The following STX11 variants were observed in gnomAD, a reference collection of about 807,000 sequenced individuals.
The protein encoded by STX11 is syntaxin 11.
Under a neutral mutation model 19.9 loss-of-function variants are expected in STX11, and 21 were observed. That is an observed-to-expected ratio of 1.06 (90% confidence interval 0.75 to 1.52). The LOEUF is 1.52. STX11 is among the 40% of genes most tolerant of loss of function. STX11 has a pLI of 0.00. For synonymous variants in STX11, 193 were observed against 174.4 expected (o/e 1.11, Z -0.84); for missense variants, 438 against 405.9 (o/e 1.08, Z -0.68).
In STX11 at chr6:144,170,510, C is replaced by G. The variant is rs1196251709; in HGVS notation, c.-5-16113C>G. Among the ~76,000 whole-genome samples the G allele has an allele frequency of 2.0e-5, 3 of 152,062 alleles. No homozygotes were observed. Among genetic ancestry groups the G allele is most frequent in the Admixed American group, 2.0e-4 (3 of 15,272 alleles). On this transcript the variant is annotated intron_variant, in intron 1 of 1. Transcript: ENST00000367568. This position sits in a 1 kb window ranked among gnomAD's most constrained non-coding sequence, Gnocchi z 4.7. Reference sequence around the variant, plus strand: ...CACAGGAGGTCAAGTGTGGAATAGTCCCCTTGTGGCCAATGCTCAAAAAGT... The same window carrying G: ...CACAGGAGGTCAAGTGTGGAATAGTGCCCTTGTGGCCAATGCTCAAAAAGT...
At chr6:144,150,018 G>A (rs540073092), upstream of STX11, among the ~76,000 whole-genome samples, 7 of 152,064 alleles carry the variant, frequency 4.6e-5, no homozygotes, top group Admixed American at 2.0e-4. Context: ...AGAGAGGTTG[G>A]TCGGCAGGGT....
chr6:144,183,856 A>T lies in STX11; in HGVS notation c.-5-2767A>T, dbSNP rs1479876174. On this transcript the variant is annotated intron_variant, in intron 1 of 1. Coordinates refer to ENST00000367568, the MANE Select transcript of STX11 (RefSeq NM_003764.4). This position sits in a 1 kb window ranked among gnomAD's most constrained non-coding sequence, Gnocchi z 4.6. ...CTAGGTTTTAAGCTCAGCATGCATC[A>T]GCTCTTTTCCCTAATGCTCTCCCCT... Among the ~76,000 whole-genome samples, 2 of 152,164 alleles carry T rather than the reference A, an allele frequency of 1.3e-5. No homozygotes were observed. The highest frequency in any genetic ancestry group is 3.8e-4 in the East Asian group (2 of 5,198).
chr6:144,141,795 C>T, the STX11 span, among the ~76,000 whole-genome samples: 3 of 152,008 alleles, frequency 2.0e-5, no homozygotes, highest in African/African-American at 4.8e-5. Context: ...TCTCCCAACA[C>T]AGCCTCCCGA....
chr6:144,172,815 G>C lies in STX11; in HGVS notation c.-5-13808G>C, dbSNP rs976706174. Among the ~76,000 whole-genome samples, 1 of 151,622 alleles carries C rather than the reference G, an allele frequency of 6.6e-6. No individual in the cohort carries two copies. Among genetic ancestry groups the C allele is most frequent in the Non-Finnish European group, 1.5e-5 (1 of 67,960 alleles). On this transcript the variant is annotated intron_variant, in intron 1 of 1. Coordinates refer to ENST00000367568, the MANE Select transcript of STX11 (RefSeq NM_003764.4). This position sits in a 1 kb window ranked among gnomAD's most constrained non-coding sequence, Gnocchi z 4.2. ...TTGATCCCAAGACAATGAACAGGCT[G>C]TCTTTCCCATACACATCCAACATAT... is the stretch of plus-strand genomic sequence containing the variant.
In STX11 at chr6:144,180,101, C is replaced by A. The variant is rs1562667221; in HGVS notation, c.-5-6522C>A. ...CTTGAGCTGCTCTGTATTGCATATT[C>A]CCATGTCTGAAAATTTCTCACTACT... On this transcript the variant is annotated intron_variant, in intron 1 of 1. Transcript: ENST00000367568. This position sits in a 1 kb window ranked among gnomAD's most constrained non-coding sequence, Gnocchi z 5.3. Among the ~76,000 whole-genome samples the A allele has an allele frequency of 6.6e-6, 1 of 152,274 alleles. No individual in the cohort carries two copies. Among genetic ancestry groups the A allele is most frequent in the East Asian group, 1.9e-4 (1 of 5,184 alleles).
At position 144,163,472 on chromosome 6, in the gene STX11, T is replaced by A. The variant is rs936073315; in HGVS notation, c.-6+12769T>A. ...TCTACAAAATTTTTTATTTTTAAAA[T>A]TTTTTTTTTAATTTTTGTTTTTTGA... On this transcript the variant is annotated intron_variant, in intron 1 of 1. Coordinates refer to ENST00000367568, the MANE Select transcript of STX11 (RefSeq NM_003764.4). Among the ~76,000 whole-genome samples, 32 of 150,832 alleles carry A rather than the reference T, an allele frequency of 2.1e-4. 2 individuals are homozygous for A. In the Middle Eastern group the frequency reaches 0.01, roughly 49 times the overall value.
At chr6:144,150,464 G>A (rs920548193), upstream of STX11, 32 of 978,024 alleles carry the variant, frequency 3.3e-5, no homozygotes, top group Non-Finnish European at 3.6e-5. Flanking sequence ...GGCGGGGCCT[G>A]GTCCCCAGCT....
rs1802199057 is a variant in STX11 at position 144,191,141 on chromosome 6, T to C, written c.*3650T>C. On this transcript the variant is annotated 3_prime_UTR_variant, in exon 2 of 2. Coordinates refer to ENST00000367568, the MANE Select transcript of STX11 (RefSeq NM_003764.4). ...GAAGGTAAGAATCTTTTATAGCTAT[T>C]TTAACATATACAGTGACTACTTTCT... is the stretch of plus-strand genomic sequence containing the variant. Among the ~76,000 whole-genome samples, 1 of 151,292 alleles carries C rather than the reference T, an allele frequency of 6.6e-6. No homozygotes were observed. The highest frequency in any genetic ancestry group is 1.5e-5 in the Non-Finnish European group (1 of 67,918).
chr6:144,170,141 A>C lies in STX11; in HGVS notation c.-5-16482A>C, dbSNP rs1340019583. On this transcript the variant is annotated intron_variant, in intron 1 of 1. Coordinates refer to ENST00000367568, the MANE Select transcript of STX11 (RefSeq NM_003764.4). The surrounding 1 kb of genome is among the most constrained non-coding windows in gnomAD (Gnocchi z 4.7). ...ATTTTCTTTGCTACAGATAAACATA[A>C]ACGCTTCCCCTTTTTCTTGTCACTG... Among the ~76,000 whole-genome samples the C allele has an allele frequency of 6.6e-6, 1 of 152,362 alleles. No individual in the cohort carries two copies. Among genetic ancestry groups the C allele is most frequent in the Admixed American group, 6.5e-5 (1 of 15,304 alleles).
chr6:144,186,609 A>C lies in STX11; in HGVS notation c.-5-14A>C. The C allele has an allele frequency of 1.2e-6, 2 of 1,613,922 alleles. No individual in the cohort carries two copies. The highest frequency in any genetic ancestry group is 1.7e-6 in the Non-Finnish European group (2 of 1,180,030). On this transcript the variant is annotated splice_polypyrimidine_tract_variant and intron_variant, in intron 1 of 1. Transcript: ENST00000367568. ...CTCAATAGAGAAATTTAACTTCATT[A>C]TCTCTACTTGCAGGCAAAATGAAAG... is the stretch of plus-strand genomic sequence containing the variant.
the STX11 span, among the ~76,000 whole-genome samples, chr6:144,144,241 A>C: frequency 4.6e-5 from 7 of 152,356 alleles, no homozygotes; most frequent in Admixed American, 2.0e-4. Context: ...ATGTAGACAA[A>C]GCTTTAACTA....
rs1801576285 is a variant in STX11 at position 144,169,665 on chromosome 6, C to CTTCCTTCA, written c.-5-16951_-5-16950insATTCCTTC. Among the ~76,000 whole-genome samples, 1 of 149,496 alleles carries CTTCCTTCA rather than the reference C, an allele frequency of 6.7e-6. No homozygotes were observed. Among genetic ancestry groups the CTTCCTTCA allele is most frequent in the African/African-American group, 2.5e-5 (1 of 40,328 alleles). On this transcript the variant is annotated intron_variant, in intron 1 of 1. Coordinates refer to ENST00000367568, the MANE Select transcript of STX11 (RefSeq NM_003764.4). The surrounding 1 kb of genome is among the most constrained non-coding windows in gnomAD (Gnocchi z 5.2). ...CCTTTTCTTTTCCCTCCCTCCCTCCCTTCCTTCCTTCCTTCCTTCCTTCTT... is the reference window on the plus strand; with the variant it reads ...CCTTTTCTTTTCCCTCCCTCCCTCCCTTCCTTCATTCCTTCCTTCCTTCCTTCCTTCTT...
rs775938143 is a variant in STX11 at position 144,186,987 on chromosome 6, G to T, written c.360G>T (p.Pro120=). 4 of 1,609,110 alleles carry T rather than the reference G, an allele frequency of 2.5e-6. No individual in the cohort carries two copies. The highest frequency in any genetic ancestry group is 3.4e-6 in the Non-Finnish European group (4 of 1,179,522). The change falls in exon 2 of 2, where the codon CCG becomes CCT. Residue 120 remains proline, a synonymous_variant. Coordinates refer to ENST00000367568, the MANE Select transcript of STX11 (RefSeq NM_003764.4). ...AGGCGGCTGAGGCCCAGCACGGCCC[G>T]CACTCGGCAGTGGCGCGCATTTCGC... ...LSEAAEAQHG[P]HSAVARISRA...
chr6:144,185,096 T>G (rs557295164), intron 1 of STX11, among the ~76,000 whole-genome samples: 1 of 152,360 alleles, frequency 6.6e-6, no homozygotes, highest in South Asian at 2.1e-4. Context: ...AGCCACCAGA[T>G]ATCAGAAATG....
At chr6:144,181,650 C>T (rs1801915357) in intron 1 of STX11, among the ~76,000 whole-genome samples, 1 of 140,288 alleles carries the variant, frequency 7.1e-6, no homozygotes, top group Non-Finnish European at 1.5e-5. Flanking sequence ...GAATGGGTCA[C>T]AAATTTGAGT....
intron 1 of STX11, among the ~76,000 whole-genome samples, chr6:144,163,269 A>T (rs555014228): frequency 2.0e-5 from 3 of 152,080 alleles, no homozygotes; most frequent in African/African-American, 7.2e-5. Flanking sequence ...ATTTTAATTT[A>T]TTTTTTTAAA....
chr6:144,148,883 C>T (rs1174891430), upstream of STX11, among the ~76,000 whole-genome samples: 1 of 152,224 alleles, frequency 6.6e-6, no homozygotes, highest in East Asian at 1.9e-4. Flanking sequence ...GCGTGAGCCA[C>T]GTCTGGACTG....
Position 144,186,743 on chromosome 6 carries a change from A to C in STX11, c.116A>C (p.His39Pro). ...GAGGACATCGTGTTCGAGACGGACC[A>C]CATCCTGGAGTCCCTGTACCGAGAC... ...PHEDIVFETD[H>P]ILESLYRDIR... is the part of the protein sequence containing the mutation. Residue 39 changes from histidine (H) to proline (P), a missense_variant, in exon 2 of 2, where the codon CAC (histidine) becomes CCC (proline). Coordinates refer to ENST00000367568, the MANE Select transcript of STX11 (RefSeq NM_003764.4). 6.2e-7 allele frequency: 1 copy of C among 1,614,150 alleles called. No homozygotes were observed. The highest frequency in any genetic ancestry group is 8.5e-7 in the Non-Finnish European group (1 of 1,180,038).
Position 144,175,896 on chromosome 6 carries a change from A to C in STX11, c.-5-10727A>C, listed in dbSNP as rs1801766616. ...AAGACAAGGTTGGAAGATGTGGCTT[A>C]CATCTGTGGGACTGTGCATTCTGAT... On this transcript the variant is annotated intron_variant, in intron 1 of 1. Transcript: ENST00000367568. This position sits in a 1 kb window ranked among gnomAD's most constrained non-coding sequence, Gnocchi z 5.1. 6.6e-6 allele frequency among the ~76,000 whole-genome samples: 1 copy of C among 152,192 alleles called. No homozygotes were observed. Among genetic ancestry groups the C allele is most frequent in the African/African-American group, 2.4e-5 (1 of 41,442 alleles).
Sources: allele counts gnomAD v4.1 joint callset (sites outside exome capture counted in the v4.1 genomes callset), GRCh38; gene constraint gnomAD v4.1.1; non-coding constraint Gnocchi (gnomAD v3.1); transcripts MANE v1.5; gene names NCBI Gene and HGNC (gene_info 2026-07-23, HGNC 2026-07-21).